ZNF536: variants seen among roughly 807,000 people sequenced by gnomAD.
ZNF536 encodes zinc finger protein 536.
ZNF536 carries 13 observed loss-of-function variants against 84.5 expected under a neutral mutation model. That is an observed-to-expected ratio of 0.15 (90% CI 0.10 to 0.24). ZNF536 has a LOEUF of 0.24. Among genes scored for constraint, ZNF536 ranks in the 10% least tolerant of loss-of-function variants. ZNF536 has a pLI of 1.00. For synonymous variants in ZNF536, 811 were observed against 742.5 expected, an observed-to-expected ratio of 1.09 and a Z score of -1.50; for missense variants, 1,536 against 1,747.5, an observed-to-expected ratio of 0.88 and a Z score of 2.16.
rs1055469875 is a variant in ZNF536 at position 30,353,266 on chromosome 19, G to T, written c.-3+782G>T. Reference sequence around the variant, plus strand: ...GAAGTACCATAAATTGAGAAGCAAGGGTCTGGGGCTCCGAGGTGCACTTGA... The same window carrying T: ...GAAGTACCATAAATTGAGAAGCAAGTGTCTGGGGCTCCGAGGTGCACTTGA... On this transcript the variant is annotated intron_variant, in intron 3 of 5. Transcript: ENST00000585628. 7.9e-5 allele frequency among the ~76,000 whole-genome samples: 12 copies of T among 152,172 alleles called. 1 individual carries two copies. The highest frequency in any genetic ancestry group is 2.7e-4 in the African/African-American group (11 of 41,434).
At chr19:30,254,997 G>C (rs552582210) in intron 1 of ZNF536, among the ~76,000 whole-genome samples, 5 of 152,298 alleles carry the variant, frequency 3.3e-5, no homozygotes, top group African/African-American at 1.2e-4. Flanking sequence ...TGAGTCACGG[G>C]TGGTTAAATT....
intron 2 of ZNF536, among the ~76,000 whole-genome samples, chr19:30,492,062 G>A (rs1425600593): frequency 4.6e-5 from 7 of 150,946 alleles, no homozygotes; most frequent in African/African-American, 1.5e-4. Flanking sequence ...GTACATAGGC[G>A]ATGGGCACAG....
intron 1 of ZNF536, among the ~76,000 whole-genome samples, chr19:30,234,397 CTTTTTTTTT>C (rs5827694): frequency 2.4e-5 from 2 of 82,408 alleles, no homozygotes; most frequent in African/African-American, 5.1e-5. Context: ...AGGCTCCTTC[CTTTTTTTTT>C]TTTTTTTTTT....
At chr19:30,647,422 T>A (rs1299141801) in intron 1 of ZNF536, among the ~76,000 whole-genome samples, 1 of 152,138 alleles carries the variant, frequency 6.6e-6, no homozygotes, top group Admixed American at 6.5e-5. Flanking sequence ...CTTGCACAAA[T>A]TCTAAGATGG....
At chr19:30,654,082 G>A (rs927200507) in intron 1 of ZNF536, among the ~76,000 whole-genome samples, 1 of 152,136 alleles carries the variant, frequency 6.6e-6, no homozygotes, top group Admixed American at 6.5e-5. Context: ...GCTAATTAAA[G>A]GTCTTGAGAT....
intron 2 of ZNF536, among the ~76,000 whole-genome samples, chr19:30,474,448 C>T (rs1360808936): frequency 1.3e-5 from 2 of 152,068 alleles, no homozygotes; most frequent in African/African-American, 2.4e-5. Context: ...CTCCCTCAGA[C>T]ACCCGCCCTT....
chr19:30,261,018 G>T (rs932033467), intron 1 of ZNF536, among the ~76,000 whole-genome samples: 9 of 152,190 alleles, frequency 5.9e-5, no homozygotes, highest in African/African-American at 2.2e-4. Flanking sequence ...ATAACTAGCG[G>T]CCGGGCGCGG....
chr19:30,426,087 T>G (rs1476393563), intron 1 of ZNF536, among the ~76,000 whole-genome samples: 1 of 152,022 alleles, frequency 6.6e-6, no homozygotes, highest in African/African-American at 2.4e-5. Flanking sequence ...TCCCCAGAGG[T>G]GGTCTACTTT....
chr19:30,507,040 C>A (rs2055202409), intron 2 of ZNF536, among the ~76,000 whole-genome samples: 1 of 152,158 alleles, frequency 6.6e-6, no homozygotes, highest in Admixed American at 6.5e-5. Flanking sequence ...CCACTTAATA[C>A]CCTGTTAGTG....
chr19:30,491,404 T>A (rs2054503911), intron 2 of ZNF536, among the ~76,000 whole-genome samples: 1 of 152,092 alleles, frequency 6.6e-6, no homozygotes, highest in African/African-American at 2.4e-5. Flanking sequence ...GACACCACAG[T>A]GTGTGTTGTG....
At chr19:30,499,920 C>G (rs1463358864) in intron 2 of ZNF536, among the ~76,000 whole-genome samples, 3 of 152,130 alleles carry the variant, frequency 2.0e-5, no homozygotes, top group Non-Finnish European at 2.9e-5. Context: ...GTGTTCCTCC[C>G]CTTGGAGATG....
intron 1 of ZNF536, among the ~76,000 whole-genome samples, chr19:30,622,458 C>A (rs575209739): frequency 6.6e-6 from 1 of 152,228 alleles, no homozygotes; most frequent in Admixed American, 6.5e-5. Flanking sequence ...TCATGCCCAC[C>A]GGTGGGTCAG....
rs765538382 is a variant in ZNF536, at chr19:30,535,022, G to A, written c.2323+23G>A. On this transcript the variant is annotated intron_variant, in intron 3 of 4. Coordinates refer to ENST00000355537, the MANE Select transcript of ZNF536 (RefSeq NM_014717.3). ...CAGGTGAGAAGTCTGAGTGCATCCA[G>A]GGGCACAGCCCAGAGAAGGAGGAGG... is the stretch of plus-strand genomic sequence containing the variant. The A allele has an allele frequency of 1.6e-5, 25 of 1,600,100 alleles. No homozygotes were observed. The Admixed American group carries it at 3.8e-4, about 24-fold the overall frequency.
intron 1 of ZNF536, among the ~76,000 whole-genome samples, chr19:30,400,662 A>C (rs1290405293): frequency 6.6e-6 from 1 of 152,162 alleles, no homozygotes; most frequent in Non-Finnish European, 1.5e-5. Flanking sequence ...CCTGGCCTCA[A>C]GTGATCCTCC....
At chr19:30,521,429 T>C (rs556654670) in intron 2 of ZNF536, among the ~76,000 whole-genome samples, 7 of 152,346 alleles carry the variant, frequency 4.6e-5, no homozygotes, top group Non-Finnish European at 8.8e-5. Context: ...CTGAATTTCT[T>C]TGGACCAGTC....
intron 3 of ZNF536, among the ~76,000 whole-genome samples, chr19:30,539,289 C>T (rs974110235): frequency 2.0e-5 from 3 of 152,222 alleles, no homozygotes; most frequent in South Asian, 4.2e-4. Context: ...AGATCAATGT[C>T]CCAGCTGAAA....
intron 1 of ZNF536, among the ~76,000 whole-genome samples, chr19:30,378,016 C>G (rs189728318): frequency 6.6e-6 from 1 of 152,240 alleles, no homozygotes; most frequent in East Asian, 1.9e-4. Context: ...AAATCTTGTG[C>G]CCCTGAACAA....
rs142410734 is a variant in ZNF536 at position 30,594,166 on chromosome 19, C to T, written c.169+44652C>T. 6.5e-3 allele frequency among the ~76,000 whole-genome samples: 991 copies of T among 152,342 alleles called. 5 individuals are homozygous for T. The highest frequency in any genetic ancestry group is 9.5e-3 in the Non-Finnish European group (644 of 68,024). ...TCAATAGGCGTTCAATCCTGGAGTG[C>T]GCAGAGTCACTTGCCCTGGACCTCA... On this transcript the variant is annotated intron_variant, in intron 1 of 1. Transcript: ENST00000592773.
intron 1 of ZNF536, among the ~76,000 whole-genome samples, chr19:30,587,485 A>C (rs1234098737): frequency 1.3e-5 from 2 of 152,200 alleles, no homozygotes; most frequent in African/African-American, 4.8e-5. Context: ...TGAAGTGCTC[A>C]TCCCCCGGGG....
Sources: allele counts gnomAD v4.1 joint callset (sites outside exome capture counted in the v4.1 genomes callset), GRCh38; gene constraint gnomAD v4.1.1; transcripts MANE v1.5; gene names NCBI Gene and HGNC (gene_info 2026-07-23, HGNC 2026-07-21).